Variants in COL22A1 observed in about 807,000 individuals in gnomAD.
COL22A1 encodes collagen alpha-1(XXII) chain.
Under a neutral mutation model 248.9 loss-of-function variants are expected in COL22A1, and 221 were observed. That is an observed-to-expected ratio of 0.89 (90% CI 0.80 to 0.99). The LOEUF (loss-of-function observed/expected upper bound fraction) is 0.99, where lower values mean the gene tolerates loss of function less well. COL22A1 is among the 50% of genes least tolerant of loss of function. The pLI is 0.00. For synonymous variants in COL22A1, 891 were observed against 793.4 expected (o/e 1.12, Z -2.07); for missense variants, 2,240 against 2,179.0 (o/e 1.03, Z -0.56).
rs199886320 is a variant in COL22A1 at position 138,613,850 on chromosome 8, C to T, written c.3978+17G>A. 6.4e-5 allele frequency: 103 copies of T among 1,611,260 alleles called. No individual in the cohort carries two copies. Among genetic ancestry groups the T allele is most frequent in the East Asian group, 6.2e-4 (28 of 44,868 alleles). On this transcript the variant is annotated intron_variant, in intron 56 of 64. Coordinates refer to ENST00000303045, the MANE Select transcript of COL22A1 (RefSeq NM_152888.3). ...CTGTAATAACATGAAGCACATTAGT[C>T]GCAAAGCAAAACTCACCGGTGGGCC...
At chr8:138,606,882 G>A (rs374035557) in intron 57 of COL22A1, among the ~76,000 whole-genome samples, 1 of 152,154 alleles carries the variant, frequency 6.6e-6, no homozygotes, top group African/African-American at 2.4e-5. Flanking sequence ...GAGCCATCAT[G>A]CATGGGTCAG....
At chr8:138,876,292 C>T (rs1823712177) in intron 3 of COL22A1, among the ~76,000 whole-genome samples, 1 of 152,160 alleles carries the variant, frequency 6.6e-6, no homozygotes, top group Non-Finnish European at 1.5e-5. Flanking sequence ...ACCTAAGCAC[C>T]ACCTCCTCCA....
intron 3 of COL22A1, among the ~76,000 whole-genome samples, chr8:138,869,637 A>T (rs1823168078): frequency 6.6e-6 from 1 of 151,736 alleles, no homozygotes; most frequent in South Asian, 2.1e-4. Context: ...CATCATTTTC[A>T]GTAATTTTCA....
chr8:138,800,227 T>G (rs1435615703), intron 11 of COL22A1, among the ~76,000 whole-genome samples: 1 of 152,132 alleles, frequency 6.6e-6, no homozygotes, highest in Non-Finnish European at 1.5e-5. Flanking sequence ...ATGACTGAGC[T>G]TGGAAAGGGT....
chr8:138,782,262 G>A lies in COL22A1; in HGVS notation c.1597-1282C>T, dbSNP rs948741118. Among the ~76,000 whole-genome samples, 8 of 152,222 alleles carry A rather than the reference G, an allele frequency of 5.3e-5. No homozygotes were observed. In the East Asian group the frequency reaches 7.7e-4, roughly 15 times the overall value. The stretch of plus-strand genomic sequence containing the variant: ...GAGACATGGTCTTGTTCTTTCACTC[G>A]AACTGGAGTACAGTGACATGAACAT... On this transcript the variant is annotated intron_variant, in intron 12 of 64. Coordinates refer to ENST00000303045, the MANE Select transcript of COL22A1 (RefSeq NM_152888.3).
chr8:138,874,477 T>C (rs1183465042), intron 3 of COL22A1, among the ~76,000 whole-genome samples: 1 of 152,204 alleles, frequency 6.6e-6, no homozygotes, highest in Non-Finnish European at 1.5e-5. Flanking sequence ...AGGCCCAAAA[T>C]ATTCAACCTA....
intron 23 of COL22A1, among the ~76,000 whole-genome samples, chr8:138,726,612 G>A (rs1344695219): frequency 6.6e-6 from 1 of 152,192 alleles, no homozygotes; most frequent in Non-Finnish European, 1.5e-5. Context: ...TGGGAGTGAT[G>A]CTGCACTCAG....
At chr8:138,688,806 C>G (rs1826576306) in intron 37 of COL22A1, 111 bp downstream of exon 37, 1 of 858,476 alleles carries the variant, frequency 1.2e-6, no homozygotes, top group Admixed American at 1.8e-5. Flanking sequence ...TAGTAAACCC[C>G]TTCTGATTGC....
intron 11 of COL22A1, among the ~76,000 whole-genome samples, chr8:138,801,959 C>T (rs1177349997): frequency 6.6e-6 from 1 of 151,998 alleles, no homozygotes; most frequent in African/African-American, 2.4e-5. Context: ...TAACTGAGGC[C>T]CATTTGACAC....
At chr8:138,899,323 G>A (rs1285980799) in intron 1 of COL22A1, among the ~76,000 whole-genome samples, 1 of 152,100 alleles carries the variant, frequency 6.6e-6, no homozygotes, top group Non-Finnish European at 1.5e-5. Flanking sequence ...GGATAAAAAA[G>A]GTTGAGAAAA....
intron 3 of COL22A1, among the ~76,000 whole-genome samples, chr8:138,862,544 ACCCTCCCACT>A (rs1172640690): frequency 8.0e-4 from 20 of 24,864 alleles, no homozygotes; most frequent in African/African-American, 3.4e-3. Flanking sequence ...CTTTTTTCTT[ACCCTCCCACT>A]GTGTTTATGT....
intron 22 of COL22A1, among the ~76,000 whole-genome samples, chr8:138,743,997 T>G (rs1045403692): frequency 6.6e-6 from 1 of 152,192 alleles, no homozygotes; most frequent in Non-Finnish European, 1.5e-5. Context: ...GTTCCTGTTC[T>G]CCAGGCCTCA....
chr8:138,645,561 A>C (rs1325829452), intron 47 of COL22A1, among the ~76,000 whole-genome samples: 1 of 152,232 alleles, frequency 6.6e-6, no homozygotes, highest in Non-Finnish European at 1.5e-5. Context: ...TCTTCAGTTG[A>C]TACAATATAC....
In COL22A1 at chr8:138,589,444, G is replaced by A. The variant is rs1165001694; in HGVS notation, c.4694-4C>T. On this transcript the variant is annotated splice_polypyrimidine_tract_variant and splice_region_variant and intron_variant, in intron 64 of 64. Coordinates refer to ENST00000303045, the MANE Select transcript of COL22A1 (RefSeq NM_152888.3). ...TAGCCAGGTTCCCCGGGTTGACCTG[G>A]CCCAAGGAGCAAAAGAAACAGAAGG... 1.6e-5 allele frequency: 24 copies of A among 1,524,552 alleles called. No homozygotes were observed. Among genetic ancestry groups the A allele is most frequent in the Non-Finnish European group, 2.0e-5 (23 of 1,138,806 alleles). 94.4% of individuals were successfully genotyped at this position (1,524,552 alleles called of 1,614,324 possible).
intron 7 of COL22A1, among the ~76,000 whole-genome samples, chr8:138,818,301 G>A (rs570505488): frequency 6.6e-6 from 1 of 152,220 alleles, no homozygotes; most frequent in Non-Finnish European, 1.5e-5. Context: ...CCCAAGACAG[G>A]GAACTTAAAC....
intron 3 of COL22A1, 114 bp downstream of exon 3, chr8:138,877,636 C>T: frequency 1.8e-6 from 2 of 1,123,594 alleles, no homozygotes; most frequent in Non-Finnish European, 2.5e-6. Context: ...CTGCTACTTC[C>T]CCCGCCTTCC....
chr8:138,798,004 TTCCA>T (rs1260193102), intron 11 of COL22A1, among the ~76,000 whole-genome samples: 1 of 151,924 alleles, frequency 6.6e-6, no homozygotes, highest in East Asian at 1.9e-4. Flanking sequence ...GATGTTTATT[TTCCA>T]TCCTTTTATT....
chr8:138,729,326 A>C (rs564724452), intron 23 of COL22A1, among the ~76,000 whole-genome samples: 1 of 152,260 alleles, frequency 6.6e-6, no homozygotes, highest in East Asian at 1.9e-4. Context: ...ATCTCCTAAA[A>C]GACTCTGCAT....
At chr8:138,838,263 G>A (rs1279542144) in intron 4 of COL22A1, among the ~76,000 whole-genome samples, 1 of 152,140 alleles carries the variant, frequency 6.6e-6, no homozygotes, top group Non-Finnish European at 1.5e-5. Flanking sequence ...GTCCCTGGAG[G>A]CTCATGGGGA....
Sources: allele counts gnomAD v4.1 joint callset (sites outside exome capture counted in the v4.1 genomes callset), GRCh38; gene constraint gnomAD v4.1.1; transcripts MANE v1.5; gene names NCBI Gene and HGNC (gene_info 2026-07-23, HGNC 2026-07-21).